Variants in BCAR3 observed in about 807,000 individuals in gnomAD.
The protein encoded by BCAR3 is BCAR3 adaptor protein, NSP family member.
In BCAR3, 37 loss-of-function variants were observed where a neutral mutation model predicts 80.1. That is an observed-to-expected ratio of 0.46 (90% CI 0.36 to 0.61). BCAR3 has a LOEUF of 0.61. Among genes scored for constraint, BCAR3 ranks in the 20% least tolerant of loss-of-function variants. The probability of loss-of-function intolerance (pLI) is 0.00; values close to 1 mark genes in which losing one functional copy is unlikely to be tolerated. For missense variants in BCAR3, 978 were observed against 1,068.2 expected, an observed-to-expected ratio of 0.92 and a Z score of 1.18; for synonymous variants, 389 against 418.9, an observed-to-expected ratio of 0.93 and a Z score of 0.87.
intron 2 of BCAR3, among the ~76,000 whole-genome samples, chr1:93,813,486 G>T (rs1405179429): frequency 6.6e-6 from 1 of 152,038 alleles, no homozygotes; most frequent in Non-Finnish European, 1.5e-5. Flanking sequence ...TTTTAATATG[G>T]ATATAATTTA....
intron 3 of BCAR3, among the ~76,000 whole-genome samples, chr1:93,624,376 T>G (rs934523260): frequency 1.3e-5 from 2 of 152,184 alleles, no homozygotes; most frequent in African/African-American, 4.8e-5. Flanking sequence ...GTTTACATCA[T>G]CTCCAAATCA....
At chr1:93,584,844 C>T (rs2101836077) in intron 5 of BCAR3, 2 of 413,552 alleles carry the variant, frequency 4.8e-6, no homozygotes, top group Non-Finnish European at 6.5e-6. Context: ...TTCTCCAGCA[C>T]CAAGCACCAG....
At chr1:93,844,377 C>CA (rs1655069316) in intron 2 of BCAR3, among the ~76,000 whole-genome samples, 1 of 152,218 alleles carries the variant, frequency 6.6e-6, no homozygotes. Flanking sequence ...CCAGCGAACT[C>CA]AAACTGCAGA....
intron 2 of BCAR3, among the ~76,000 whole-genome samples, chr1:93,648,294 G>A (rs942949195): frequency 6.6e-6 from 1 of 152,122 alleles, no homozygotes; most frequent in Non-Finnish European, 1.5e-5. Flanking sequence ...TTTAGTGAGA[G>A]GCATAATGGG....
intron 2 of BCAR3, among the ~76,000 whole-genome samples, chr1:93,728,693 CG>C (rs1202199502): frequency 2.0e-5 from 3 of 152,170 alleles, no homozygotes; most frequent in Admixed American, 6.5e-5. Context: ...GCAGGCATGC[CG>C]GCATCTGTCA....
At chr1:93,574,168 C>T (rs1032208424) in intron 8 of BCAR3, among the ~76,000 whole-genome samples, 5 of 152,052 alleles carry the variant, frequency 3.3e-5, no homozygotes, top group African/African-American at 1.2e-4. Flanking sequence ...CTGGATACAC[C>T]GACTATGGGA....
At chr1:93,668,097 GA>G (rs945352592) in intron 2 of BCAR3, among the ~76,000 whole-genome samples, 1 of 151,894 alleles carries the variant, frequency 6.6e-6, no homozygotes, top group African/African-American at 2.4e-5. Context: ...CTGGTGGCCT[GA>G]AAAAAAACAT....
At chr1:93,747,401 C>G (rs12139153) in intron 2 of BCAR3, among the ~76,000 whole-genome samples, 18,165 of 151,112 alleles carry the variant, frequency 0.12, 1,889 homozygotes, top group African/African-American at 0.23. Context: ...TAGGGGCTAC[C>G]CTCTACTTTC....
intron 2 of BCAR3, among the ~76,000 whole-genome samples, chr1:93,813,153 T>C (rs1653903654): frequency 6.6e-6 from 1 of 152,078 alleles, no homozygotes; most frequent in Non-Finnish European, 1.5e-5. Context: ...CAGAGCTCCA[T>C]TCTGCCTTCA....
At chr1:93,715,154 G>T (rs1461247732) in intron 2 of BCAR3, among the ~76,000 whole-genome samples, 1 of 152,198 alleles carries the variant, frequency 6.6e-6, no homozygotes, top group Non-Finnish European at 1.5e-5. Context: ...ACACCTCCTT[G>T]TTCTTCCCCC....
intron 3 of BCAR3, among the ~76,000 whole-genome samples, chr1:93,624,579 G>A (rs1675403116): frequency 6.6e-6 from 1 of 152,208 alleles, no homozygotes; most frequent in African/African-American, 2.4e-5. Context: ...GCCCTTGTCT[G>A]TTGGCCTCAT....
At chr1:93,796,905 A>C (rs541251815) in intron 2 of BCAR3, among the ~76,000 whole-genome samples, 2 of 152,182 alleles carry the variant, frequency 1.3e-5, no homozygotes, top group Non-Finnish European at 2.9e-5. Context: ...TGTTGGGAGA[A>C]CACGGGTATT....
chr1:93,686,093 A>G (rs1252723876), upstream of BCAR3, among the ~76,000 whole-genome samples: 4 of 152,196 alleles, frequency 2.6e-5, no homozygotes, highest in Non-Finnish European at 4.4e-5. Context: ...TATTTTAGGA[A>G]GCAAGTAGAA....
chr1:93,845,502 A>ATATC, intron 2 of BCAR3: 1 of 113,822 alleles, frequency 8.8e-6, no homozygotes, highest in Non-Finnish European at 1.8e-5. Context: ...ATATATATAT[A>ATATC]AAACTTTGTT....
intron 2 of BCAR3, among the ~76,000 whole-genome samples, chr1:93,673,229 G>A (rs80083664): frequency 0.011 from 1,645 of 152,184 alleles, 30 homozygotes; most frequent in African/African-American, 0.038. Context: ...TACCTAATGC[G>A]CTCACTAGAA....
intron 3 of BCAR3, chr1:93,599,514 CAG>C (rs921900553): frequency 6.6e-6 from 1 of 152,216 alleles, no homozygotes; most frequent in Non-Finnish European, 1.5e-5. Flanking sequence ...TCCAGAAAGT[CAG>C]AGTCACGGAA....
chr1:93,749,067 T>A (rs1571094138), intron 2 of BCAR3, among the ~76,000 whole-genome samples: 1 of 152,016 alleles, frequency 6.6e-6, no homozygotes, highest in South Asian at 2.1e-4. Context: ...ATTATATAGG[T>A]CTCAAAGCAA....
chr1:93,591,763 C>T (rs550128887), intron 4 of BCAR3, among the ~76,000 whole-genome samples: 15 of 152,284 alleles, frequency 9.9e-5, no homozygotes, highest in Middle Eastern at 3.4e-3. Flanking sequence ...ACCTCTGGGT[C>T]ACAGGATCCA....
At chr1:93,744,337 A>G (rs11805379) in intron 2 of BCAR3, among the ~76,000 whole-genome samples, 12,918 of 152,230 alleles carry the variant, frequency 0.085, 1,071 homozygotes, top group African/African-American at 0.21. Flanking sequence ...ATACGTTTCA[A>G]CAGGGGTAAA....
Sources: gnomAD v4.1 joint callset for allele counts (sites outside exome capture counted in the v4.1 genomes callset) on GRCh38, gnomAD v4.1.1 for gene constraint, MANE v1.5 for transcripts, NCBI Gene and HGNC (gene_info 2026-07-23, HGNC 2026-07-21) for gene names.